DOCK8: variants seen among roughly 807,000 people sequenced by gnomAD.
DOCK8 encodes dedicator of cytokinesis protein 8.
A neutral mutation model predicts 245.6 loss-of-function variants in DOCK8; 141 were observed. That is an observed-to-expected ratio of 0.57 (90% CI 0.50 to 0.66). The LOEUF (loss-of-function observed/expected upper bound fraction) is 0.66, where lower values mean the gene tolerates loss of function less well. Among genes scored for constraint, DOCK8 ranks in the 30% least tolerant of loss-of-function variants. The pLI is 0.00. For synonymous variants in DOCK8, 1,168 were observed against 970.2 expected, an observed-to-expected ratio of 1.20 and a Z score of -3.79; for missense variants, 2,965 against 2,603.4, an observed-to-expected ratio of 1.14 and a Z score of -3.02.
intron 7 of DOCK8, among the ~76,000 whole-genome samples, chr9:318,985 T>C (rs1327840233): frequency 6.6e-6 from 1 of 151,956 alleles, no homozygotes; most frequent in East Asian, 1.9e-4. Flanking sequence ...CTAAGAGAGA[T>C]ATGTGTTATT....
chr9:327,434 C>T (rs2050814545), intron 8 of DOCK8, among the ~76,000 whole-genome samples: 1 of 147,758 alleles, frequency 6.8e-6, no homozygotes, highest in Admixed American at 6.8e-5. Context: ...CACTCTGTTG[C>T]CCAGGCTGGC....
chr9:328,131 C>T lies in DOCK8; in HGVS notation c.1004C>T (p.Ser335Leu), dbSNP rs778329456. ...ASSQARSAVF[S>L]VTYPSSDIYL... ...AGTCAGGCGAGATCTGCAGTCTTCT[C>T]AGTCACCTACCCGTCCTCAGACATC... Residue 335 changes from serine (S) to leucine (L), a missense_variant, in exon 9 of 48, where the codon TCA (serine) becomes TTA (leucine). Physicochemically the swap from Ser to Leu is moderately radical, Grantham distance 145. Transcript: ENST00000432829. The T allele has an allele frequency of 4.3e-6, 7 of 1,614,172 alleles. No individual in the cohort carries two copies. Among genetic ancestry groups the T allele is most frequent in the South Asian group, 1.1e-5 (1 of 91,082 alleles).
intron 1 of DOCK8, among the ~76,000 whole-genome samples, chr9:234,011 G>T (rs557536583): frequency 2.6e-5 from 4 of 152,176 alleles, no homozygotes; most frequent in South Asian, 2.1e-4. Flanking sequence ...TTACAATTTG[G>T]CATGTTTTTG....
chr9:382,264 C>A (rs1034959534), intron 21 of DOCK8, among the ~76,000 whole-genome samples: 1 of 152,202 alleles, frequency 6.6e-6, no homozygotes, highest in Non-Finnish European at 1.5e-5. Flanking sequence ...AGTAGTACCC[C>A]CTGCCTTTGT....
chr9:295,772 G>A (rs781485889), intron 4 of DOCK8, among the ~76,000 whole-genome samples: 1 of 152,148 alleles, frequency 6.6e-6, no homozygotes, highest in South Asian at 2.1e-4. Flanking sequence ...TGTGGTAATG[G>A]TTTTGAATCC....
chr9:235,291 G>A (rs903596270), intron 1 of DOCK8, among the ~76,000 whole-genome samples: 1 of 152,152 alleles, frequency 6.6e-6, no homozygotes, highest in African/African-American at 2.4e-5. Context: ...GCTGTGTGAG[G>A]TGTCAGTCTG....
chr9:426,818 G>A, intron 33 of DOCK8, 67 bp from the exon 34 acceptor site: 1 of 1,268,494 alleles, frequency 7.9e-7, no homozygotes, highest in Non-Finnish European at 1.2e-6. Flanking sequence ...TTGGTGTATA[G>A]ATTGCCATCA....
chr9:358,941 C>T (rs1438060274), intron 14 of DOCK8, among the ~76,000 whole-genome samples: 1 of 152,182 alleles, frequency 6.6e-6, no homozygotes, highest in Non-Finnish European at 1.5e-5. Context: ...CGATAAGATT[C>T]ATATATCTGC....
intron 14 of DOCK8, among the ~76,000 whole-genome samples, chr9:361,009 TA>T (rs1263588238): frequency 3.3e-5 from 5 of 151,920 alleles, no homozygotes; most frequent in African/African-American, 1.2e-4. Flanking sequence ...AAAGTAAAAC[TA>T]AAAAATTAGC....
chr9:399,327 G>C (rs1205806965), intron 26 of DOCK8, 68 bp downstream of exon 26: 18 of 1,190,604 alleles, frequency 1.5e-5, no homozygotes, highest in Admixed American at 5.7e-5. Context: ...TGTGATGTTC[G>C]TTGCCATGGC....
intron 1 of DOCK8, among the ~76,000 whole-genome samples, chr9:268,656 A>T (rs1337752128): frequency 1.3e-5 from 2 of 152,186 alleles, no homozygotes; most frequent in African/African-American, 4.8e-5. Flanking sequence ...GTTATTTGAG[A>T]GCTCTTAGGG....
chr9:224,601 A>G (rs910306354), intron 1 of DOCK8, among the ~76,000 whole-genome samples: 2 of 152,128 alleles, frequency 1.3e-5, no homozygotes, highest in Non-Finnish European at 2.9e-5. Context: ...ACAGAGCAAT[A>G]TTCAGGACAC....
At chr9:383,810 C>G (rs1036993005) in intron 22 of DOCK8, among the ~76,000 whole-genome samples, 18 of 151,334 alleles carry the variant, frequency 1.2e-4, no homozygotes, top group African/African-American at 2.4e-4. Flanking sequence ...TTGTTTTTCC[C>G]TCTATGAATT....
chr9:214,739 C>G (rs988474323), upstream of DOCK8: 2 of 1,520,618 alleles, frequency 1.3e-6, no homozygotes, highest in African/African-American at 1.4e-5. Context: ...CCACGCCCTC[C>G]TCGCCCGCCG....
Position 418,180 on chromosome 9 carries a change from A to G in DOCK8, c.3813A>G (p.Lys1271=), listed in dbSNP as rs75411647. ...LAIAGNNFNL[K]TSGIVLSSLP... is the part of the protein sequence containing the mutation. ...TAGCAGGGAATAATTTCAATTTGAA[A>G]ACAAGTGGAATAGTGCTGTCTTCCT... The change falls in exon 30 of 48, where the codon AAA becomes AAG. Residue 1271 remains lysine (K), a synonymous_variant. Coordinates refer to ENST00000432829, the MANE Select transcript of DOCK8 (RefSeq NM_203447.4). 1.8e-4 allele frequency: 296 copies of G among 1,614,238 alleles called. 1 individual carries two copies. The African/African-American group carries it at 3.9e-3, about 21-fold the overall frequency.
At chr9:369,456 A>C (rs915249382) in intron 15 of DOCK8, 1 of 152,368 alleles carries the variant, frequency 6.6e-6, no homozygotes, top group Non-Finnish European at 1.5e-5. Context: ...AGGTGAGTGC[A>C]CTTGTTCATA....
intron 39 of DOCK8, among the ~76,000 whole-genome samples, chr9:435,215 G>A (rs111273988): frequency 4.2e-4 from 64 of 152,304 alleles, no homozygotes; most frequent in African/African-American, 1.4e-3. Flanking sequence ...TGCTAAGGTT[G>A]AAAAATTCCA....
At chr9:429,875 A>T in intron 36 of DOCK8, 21 bp downstream of exon 36, 1 of 1,613,614 alleles carries the variant, frequency 6.2e-7, no homozygotes, top group Non-Finnish European at 8.5e-7. Flanking sequence ...AAACCAGCTG[A>T]GTGACCTGGA....
chr9:227,992 G>A (rs1218761930), intron 1 of DOCK8, among the ~76,000 whole-genome samples: 1 of 152,154 alleles, frequency 6.6e-6, no homozygotes, highest in East Asian at 1.9e-4. Flanking sequence ...CCTGAAGGTG[G>A]TCATTGAAAA....
Sources: gnomAD v4.1 joint callset for allele counts (sites outside exome capture counted in the v4.1 genomes callset) on GRCh38, gnomAD v4.1.1 for gene constraint, MANE v1.5 for transcripts, NCBI Gene and HGNC (gene_info 2026-07-23, HGNC 2026-07-21) for gene names.